The following PLD5 variants were observed in gnomAD, a reference collection of about 807,000 sequenced individuals.
PLD5 encodes the protein inactive phospholipase D5.
PLD5 carries 36 observed loss-of-function variants against 61.1 expected under a neutral mutation model. That is an observed-to-expected ratio of 0.59 (90% confidence interval 0.45 to 0.78). The LOEUF is 0.78. PLD5 is among the 30% of genes least tolerant of loss of function. The pLI, the probability that PLD5 is intolerant of heterozygous loss-of-function variation, is 0.00. For missense variants in PLD5, 515 were observed against 644.4 expected, an observed-to-expected ratio of 0.80 and a Z score of 2.17; for synonymous variants, 243 against 242.8, an observed-to-expected ratio of 1.00 and a Z score of -0.01.
chr1:242,442,585 G>A (rs1024053824), intron 1 of PLD5, among the ~76,000 whole-genome samples: 3 of 152,132 alleles, frequency 2.0e-5, no homozygotes, highest in East Asian at 1.9e-4. Flanking sequence ...TTCTTTGAGC[G>A]GGGTGCTAAT....
intron 1 of PLD5, among the ~76,000 whole-genome samples, chr1:242,384,193 G>T (rs1007311914): frequency 6.6e-6 from 1 of 152,184 alleles, no homozygotes; most frequent in Non-Finnish European, 1.5e-5. Context: ...TTGATAACCA[G>T]ATGATTTTCC....
chr1:242,194,771 T>A (rs1668529296), intron 5 of PLD5, among the ~76,000 whole-genome samples: 2 of 151,988 alleles, frequency 1.3e-5, no homozygotes, highest in South Asian at 2.1e-4. Context: ...GTGAAGTAAC[T>A]CAGGAATGGA....
chr1:242,333,299 G>T (rs141317910), intron 2 of PLD5, among the ~76,000 whole-genome samples: 1 of 152,102 alleles, frequency 6.6e-6, no homozygotes, highest in Non-Finnish European at 1.5e-5. Flanking sequence ...GATGAATTTG[G>T]GCTATAAGAA....
intron 5 of PLD5, among the ~76,000 whole-genome samples, chr1:242,178,654 A>C (rs1029437994): frequency 2.6e-5 from 4 of 152,170 alleles, no homozygotes; most frequent in Non-Finnish European, 2.9e-5. Context: ...TTAACACTCA[A>C]ATCACAATGT....
At chr1:242,142,714 T>TTCTCTCTCTCTCTC (rs35627694) in intron 5 of PLD5, among the ~76,000 whole-genome samples, 4 of 90,046 alleles carry the variant, frequency 4.4e-5, no homozygotes, top group African/African-American at 2.2e-4. Context: ...AGCTGTGTCT[T>TTCTCTCTCTCTCTC]TCTCTCTCTC....
At chr1:242,292,103 A>G (rs1675401938) in intron 2 of PLD5, among the ~76,000 whole-genome samples, 1 of 152,144 alleles carries the variant, frequency 6.6e-6, no homozygotes, top group African/African-American at 2.4e-5. Context: ...CTTCGAAGGC[A>G]ATAGACAGAG....
intron 2 of PLD5, 97 bp from the exon 3 acceptor site, chr1:242,288,627 C>A: frequency 6.9e-7 from 1 of 1,448,516 alleles, no homozygotes; most frequent in Non-Finnish European, 9.1e-7. Context: ...AAAAAATATT[C>A]TTTACTCATT....
intron 1 of PLD5, among the ~76,000 whole-genome samples, chr1:242,480,460 G>A (rs1333808392): frequency 6.6e-6 from 1 of 151,478 alleles, no homozygotes; most frequent in Non-Finnish European, 1.5e-5. Flanking sequence ...TTCTTAAAGA[G>A]GATATAAACA....
rs531884695 is a variant in PLD5 at position 242,441,822 on chromosome 1, T to C, written c.189+82266A>G. The stretch of plus-strand genomic sequence containing the variant: ...CTTCAAAATGGATCCTCTGCCAAAG[T>C]TGAAGCATCAGTTATATCTCAATGT... On this transcript the variant is annotated intron_variant, in intron 1 of 9. Coordinates refer to ENST00000536534, the MANE Select transcript of PLD5 (RefSeq NM_001372062.1). Among the ~76,000 whole-genome samples, 3 of 152,292 alleles carry C rather than the reference T, an allele frequency of 2.0e-5. No individual in the cohort carries two copies. The East Asian group carries it at 5.8e-4, about 29-fold the overall frequency.
intron 1 of PLD5, among the ~76,000 whole-genome samples, chr1:242,442,233 TTA>T (rs924647000): frequency 6.6e-6 from 1 of 152,226 alleles, no homozygotes; most frequent in African/African-American, 2.4e-5. Context: ...TAAAAAATGC[TTA>T]TATGTTTTTT....
At chr1:242,491,930 T>C (rs1373879909) in intron 1 of PLD5, among the ~76,000 whole-genome samples, 1 of 152,236 alleles carries the variant, frequency 6.6e-6, no homozygotes, top group East Asian at 1.9e-4. Flanking sequence ...CAAAATTTTA[T>C]AGACCTTGGA....
intron 1 of PLD5, among the ~76,000 whole-genome samples, chr1:242,374,100 G>A (rs1661811682): frequency 6.6e-6 from 1 of 152,108 alleles, no homozygotes; most frequent in African/African-American, 2.4e-5. Context: ...TGAAAGAAAG[G>A]TCTGTGGAGT....
At chr1:242,428,824 G>A (rs1665568297) in intron 1 of PLD5, among the ~76,000 whole-genome samples, 1 of 152,172 alleles carries the variant, frequency 6.6e-6, no homozygotes. Context: ...AAATCACGAT[G>A]ATAAAAATTT....
intron 1 of PLD5, among the ~76,000 whole-genome samples, chr1:242,428,064 A>T (rs1343014047): frequency 6.6e-6 from 1 of 152,194 alleles, no homozygotes; most frequent in African/African-American, 2.4e-5. Context: ...ACTTCCAAAT[A>T]CACTCCTGTG....
chr1:242,240,866 G>T (rs1671954784), intron 4 of PLD5, among the ~76,000 whole-genome samples: 1 of 152,044 alleles, frequency 6.6e-6, no homozygotes, highest in Non-Finnish European at 1.5e-5. Flanking sequence ...TCTTCCTGGA[G>T]CACCTCATGG....
chr1:242,183,972 CATAT>C (rs974816930), intron 5 of PLD5, among the ~76,000 whole-genome samples: 4 of 135,172 alleles, frequency 3.0e-5, no homozygotes, highest in Admixed American at 2.2e-4. Flanking sequence ...CAAATGACTT[CATAT>C]TTATTTATAT....
chr1:242,199,293 C>T (rs1406737367), intron 5 of PLD5, among the ~76,000 whole-genome samples: 1 of 151,180 alleles, frequency 6.6e-6, no homozygotes, highest in East Asian at 2.0e-4. Context: ...CTTGCTCTGT[C>T]ACCTAGGCTG....
At chr1:242,464,113 G>A (rs1357924968) in intron 1 of PLD5, among the ~76,000 whole-genome samples, 1 of 152,082 alleles carries the variant, frequency 6.6e-6, no homozygotes, top group Non-Finnish European at 1.5e-5. Context: ...CCTCCTCCTT[G>A]ACACAATTTT....
At chr1:242,285,525 G>A (rs1486154787) in intron 3 of PLD5, among the ~76,000 whole-genome samples, 1 of 151,790 alleles carries the variant, frequency 6.6e-6, no homozygotes, top group East Asian at 1.9e-4. Context: ...AATAAATAAA[G>A]CCATGTGGGA....
Sources: allele counts gnomAD v4.1 joint callset (sites outside exome capture counted in the v4.1 genomes callset), GRCh38; gene constraint gnomAD v4.1.1; transcripts MANE v1.5; gene names NCBI Gene and HGNC (gene_info 2026-07-23, HGNC 2026-07-21).